ADD1: variants seen among roughly 807,000 people sequenced by gnomAD.
ADD1 encodes alpha-adducin.
A neutral mutation model predicts 80.5 loss-of-function variants in ADD1; 24 were observed. The ratio of observed to expected loss-of-function variants is 0.30; its 90% CI spans 0.22 to 0.42. The LOEUF (loss-of-function observed/expected upper bound fraction) is 0.42. ADD1 is among the 10% of genes least tolerant of loss of function. The pLI, the probability that ADD1 is intolerant of heterozygous loss-of-function variation, is 1.00. For missense variants in ADD1, 948 were observed against 1,019.0 expected, an observed-to-expected ratio of 0.93 and a Z score of 0.95; for synonymous variants, 373 against 393.8, an observed-to-expected ratio of 0.95 and a Z score of 0.63.
At chr4:2,856,027 C>T (rs1728004768) in intron 1 of ADD1, among the ~76,000 whole-genome samples, 1 of 139,616 alleles carries the variant, frequency 7.2e-6, no homozygotes, top group Non-Finnish European at 1.5e-5. Context: ...CCCAGCTACT[C>T]GGAAATTATT....
intron 1 of ADD1, among the ~76,000 whole-genome samples, chr4:2,850,726 C>T (rs1245237580): frequency 3.3e-5 from 5 of 151,670 alleles, no homozygotes; most frequent in Non-Finnish European, 7.4e-5. Context: ...CGCCTGGCCA[C>T]GCCCGGCTAA....
intron 1 of ADD1, among the ~76,000 whole-genome samples, chr4:2,872,397 T>C (rs964392513): frequency 6.6e-6 from 1 of 152,244 alleles, no homozygotes; most frequent in Non-Finnish European, 1.5e-5. Flanking sequence ...TATTCCAGCT[T>C]ATTTGCCATT....
chr4:2,855,516 G>A (rs1264301429), intron 1 of ADD1, among the ~76,000 whole-genome samples: 2 of 150,376 alleles, frequency 1.3e-5, no homozygotes, highest in Non-Finnish European at 3.0e-5. Context: ...CATATTTAAC[G>A]AAGTCTAAAA....
chr4:2,855,787 ACCT>A (rs1727964280), intron 1 of ADD1, among the ~76,000 whole-genome samples: 2 of 150,870 alleles, frequency 1.3e-5, no homozygotes, highest in Admixed American at 1.3e-4. Flanking sequence ...TGCAGCCTTG[ACCT>A]CCTGAGCTTT....
intron 1 of ADD1, among the ~76,000 whole-genome samples, chr4:2,859,411 C>G (rs1214373273): frequency 6.6e-6 from 1 of 152,046 alleles, no homozygotes; most frequent in East Asian, 1.9e-4. Context: ...AATACCTGTA[C>G]TATTTTTTTC....
chr4:2,899,478 A>G, intron 9 of ADD1, 43 bp downstream of exon 9: 1 of 1,610,264 alleles, frequency 6.2e-7, no homozygotes, highest in Non-Finnish European at 8.5e-7. Context: ...TTTTGTTCTA[A>G]AAGCATCAGT....
intron 10 of ADD1, 31 bp downstream of exon 10, chr4:2,905,139 A>G: frequency 6.2e-7 from 1 of 1,606,136 alleles, no homozygotes; most frequent in Non-Finnish European, 8.5e-7. Flanking sequence ...TCATAGTTAG[A>G]TGACGTAGAG....
At chr4:2,883,962 C>T (rs764240439) in intron 3 of ADD1, among the ~76,000 whole-genome samples, 4 of 152,330 alleles carry the variant, frequency 2.6e-5, no homozygotes, top group Admixed American at 1.3e-4. Flanking sequence ...TGAGCCACCG[C>T]GCCCAGCCCA....
intron 1 of ADD1, among the ~76,000 whole-genome samples, chr4:2,869,629 TC>T (rs766322667): frequency 6.6e-6 from 1 of 152,204 alleles, no homozygotes; most frequent in Non-Finnish European, 1.5e-5. Flanking sequence ...ATGGACACTT[TC>T]CCCCTGCTGA....
At chr4:2,855,935 G>A (rs1577436151) in intron 1 of ADD1, among the ~76,000 whole-genome samples, 2 of 151,652 alleles carry the variant, frequency 1.3e-5, no homozygotes, top group South Asian at 2.1e-4. Context: ...TCTGGGACTC[G>A]AGATCTGCCT....
chr4:2,917,734 T>C (rs902196419), intron 14 of ADD1, among the ~76,000 whole-genome samples: 2 of 152,256 alleles, frequency 1.3e-5, no homozygotes, highest in Non-Finnish European at 2.9e-5. Context: ...TTCAGTTTTA[T>C]GCATATGGCT....
intron 9 of ADD1, chr4:2,901,513 A>G (rs1307885859): frequency 1.3e-5 from 2 of 152,254 alleles, no homozygotes; most frequent in Non-Finnish European, 2.9e-5. Context: ...TTGTTTTAAT[A>G]TTAGAAGGCC....
At chr4:2,914,770 G>C in intron 13 of ADD1, 114 bp from the exon 14 acceptor site, 6 of 1,245,902 alleles carry the variant, frequency 4.8e-6, no homozygotes, top group Non-Finnish European at 6.7e-6. Context: ...CAGTCTCAGG[G>C]GTCTCTGCTC....
chr4:2,928,656 A>T lies in ADD1; in HGVS notation c.*133A>T. 1 of 953,368 alleles carries T rather than the reference A, an allele frequency of 1.0e-6. No homozygotes were observed. The allele number at this position is 953,368 out of a possible 1,614,324, so 59.1% of individuals were successfully genotyped here. A position where few individuals can be genotyped will look rare whatever the true frequency, so the allele number is the denominator to read the frequency against. ...CTCCGCCTAGAGGTCCCCTCACGTGACCAGCCCCGTGTAGCCCCGGGCTGA... is the reference window on the plus strand; with the variant it reads ...CTCCGCCTAGAGGTCCCCTCACGTGTCCAGCCCCGTGTAGCCCCGGGCTGA... On this transcript the variant is annotated 3_prime_UTR_variant, in exon 16 of 16. Coordinates refer to ENST00000683351, the MANE Select transcript of ADD1 (RefSeq NM_001354761.2).
At chr4:2,869,272 C>T (rs1730043349) in intron 1 of ADD1, among the ~76,000 whole-genome samples, 1 of 152,148 alleles carries the variant, frequency 6.6e-6, no homozygotes, top group African/African-American at 2.4e-5. Context: ...GGGCTGGTTC[C>T]TCCCGAGGCT....
At position 2,894,522 on chromosome 4, in the gene ADD1, A is replaced by G. The variant is rs1231704973; in HGVS notation, c.592-60A>G. 6.6e-6 allele frequency: 10 copies of G among 1,504,280 alleles called. No individual in the cohort carries two copies. In the African/African-American group the frequency reaches 1.2e-4, roughly 17 times the overall value. The allele number at this position is 1,504,280 out of a possible 1,614,324, so 93.2% of individuals were successfully genotyped here. ...CCAGACCCTATCAAAAAAAAAAAAA[A>G]AAAGAAAAGAAAAAATGAAGTCCTC... On this transcript the variant is annotated intron_variant, in intron 5 of 15. Transcript: ENST00000683351.
chr4:2,885,244 A>G (rs1290724273), intron 4 of ADD1, among the ~76,000 whole-genome samples: 1 of 152,068 alleles, frequency 6.6e-6, no homozygotes, highest in East Asian at 1.9e-4. Context: ...CATTTCAGCA[A>G]TACTCTGCCA....
chr4:2,901,374 G>A (rs1736150073), intron 9 of ADD1: 1 of 152,218 alleles, frequency 6.6e-6, no homozygotes, highest in Admixed American at 6.5e-5. Context: ...AGGCGGAGAG[G>A]GGGAAGTCAA....
intron 4 of ADD1, among the ~76,000 whole-genome samples, chr4:2,885,426 T>A (rs1053988242): frequency 6.6e-6 from 1 of 152,192 alleles, no homozygotes; most frequent in African/African-American, 2.4e-5. Context: ...TATTTAAGCC[T>A]TCTCTACTAT....
Sources: gnomAD v4.1 joint callset for allele counts (sites outside exome capture counted in the v4.1 genomes callset) on GRCh38, gnomAD v4.1.1 for gene constraint, MANE v1.5 for transcripts, NCBI Gene and HGNC (gene_info 2026-07-23, HGNC 2026-07-21) for gene names.